FRMD5: variants seen among roughly 807,000 people sequenced by gnomAD.
FRMD5 encodes FERM domain-containing protein 5.
In FRMD5, 20 loss-of-function variants were observed where a neutral mutation model predicts 69.0. The ratio of observed to expected loss-of-function variants is 0.29; its 90% CI spans 0.20 to 0.42. The LOEUF (loss-of-function observed/expected upper bound fraction) is 0.42. FRMD5 is among the 10% of genes least tolerant of loss of function. The pLI, the probability that FRMD5 is intolerant of heterozygous loss-of-function variation, is 1.00. For missense variants in FRMD5, 595 were observed against 708.6 expected, an observed-to-expected ratio of 0.84 and a Z score of 1.82; for synonymous variants, 271 against 260.1, an observed-to-expected ratio of 1.04 and a Z score of -0.40.
At chr15:44,016,934 C>A (rs1193235836) in intron 1 of FRMD5, among the ~76,000 whole-genome samples, 1 of 151,910 alleles carries the variant, frequency 6.6e-6, no homozygotes, top group Non-Finnish European at 1.5e-5. Context: ...TGCTTGCCAC[C>A]ACACTGGGCT....
chr15:44,125,429 T>C (rs2140405941), intron 1 of FRMD5, among the ~76,000 whole-genome samples: 1 of 152,350 alleles, frequency 6.6e-6, no homozygotes, highest in East Asian at 1.9e-4. Context: ...ATTACCATAG[T>C]ACCTTGTGCT....
chr15:44,020,684 T>C (rs1289181063), intron 1 of FRMD5, among the ~76,000 whole-genome samples: 1 of 152,246 alleles, frequency 6.6e-6, no homozygotes, highest in African/African-American at 2.4e-5. Flanking sequence ...CTCAATCTTT[T>C]GTGCTATTCA....
intron 1 of FRMD5, among the ~76,000 whole-genome samples, chr15:44,186,351 T>G (rs2078101339): frequency 6.6e-6 from 1 of 152,194 alleles, no homozygotes; most frequent in Non-Finnish European, 1.5e-5. Flanking sequence ...ACTTTTCCAC[T>G]CAGTATCCTC....
chr15:44,041,084 G>C (rs1378320811), intron 1 of FRMD5, among the ~76,000 whole-genome samples: 1 of 118,180 alleles, frequency 8.5e-6, no homozygotes, highest in Admixed American at 9.4e-5. Flanking sequence ...AATCAACAAA[G>C]ACCAAAAGTG....
chr15:43,999,466 C>T (rs1447219906), intron 1 of FRMD5, among the ~76,000 whole-genome samples: 2 of 152,068 alleles, frequency 1.3e-5, no homozygotes, highest in Non-Finnish European at 1.5e-5. Flanking sequence ...AAACTCTACA[C>T]CCATTTAAAA....
intron 1 of FRMD5, among the ~76,000 whole-genome samples, chr15:43,985,514 T>C (rs1411524933): frequency 6.6e-6 from 1 of 152,108 alleles, no homozygotes; most frequent in Non-Finnish European, 1.5e-5. Flanking sequence ...GTTTATATTA[T>C]AAATCAAACT....
intron 1 of FRMD5, among the ~76,000 whole-genome samples, chr15:44,023,099 G>A (rs1481197122): frequency 6.6e-6 from 1 of 152,098 alleles, no homozygotes; most frequent in Non-Finnish European, 1.5e-5. Context: ...ATAGGGGCAA[G>A]GGGACACAAA....
At chr15:44,150,947 C>A (rs1257312534) in intron 1 of FRMD5, among the ~76,000 whole-genome samples, 1 of 152,010 alleles carries the variant, frequency 6.6e-6, no homozygotes, top group Non-Finnish European at 1.5e-5. Flanking sequence ...CAAAAATTAG[C>A]CAAGCGTGGT....
At chr15:43,913,237 C>T (rs1303688165) in intron 4 of FRMD5, among the ~76,000 whole-genome samples, 2 of 152,144 alleles carry the variant, frequency 1.3e-5, no homozygotes, top group Admixed American at 6.5e-5. Flanking sequence ...CTTTTGATTT[C>T]TGGTGATAAA....
At chr15:44,044,009 T>C (rs1258102209) in intron 1 of FRMD5, among the ~76,000 whole-genome samples, 2 of 152,110 alleles carry the variant, frequency 1.3e-5, no homozygotes, top group Non-Finnish European at 2.9e-5. Flanking sequence ...TGGGAGAATA[T>C]TTTTGCAATC....
At chr15:43,919,089 C>T in intron 4 of FRMD5, 4 of 354,246 alleles carry the variant, frequency 1.1e-5, no homozygotes, top group Admixed American at 3.9e-5. Flanking sequence ...TCCATTAGAC[C>T]ACTTGAATCT....
At chr15:44,067,928 A>G (rs951302754) in intron 1 of FRMD5, among the ~76,000 whole-genome samples, 1 of 152,246 alleles carries the variant, frequency 6.6e-6, no homozygotes, top group African/African-American at 2.4e-5. Context: ...GCAAAGATTG[A>G]AACAGATATT....
intron 1 of FRMD5, among the ~76,000 whole-genome samples, chr15:44,091,068 T>G (rs906112944): frequency 6.6e-6 from 1 of 152,194 alleles, no homozygotes; most frequent in Admixed American, 6.6e-5. Context: ...TACCAAGCAT[T>G]TGAGATCAAT....
intron 7 of FRMD5, among the ~76,000 whole-genome samples, chr15:43,896,656 T>C (rs533143): frequency 0.4 from 60,293 of 152,064 alleles, 14,517 homozygotes; most frequent in African/African-American, 0.67. Context: ...ACCAGTTCCA[T>C]TTCCAGATTC....
chr15:43,955,906 C>G (rs1245696416), intron 1 of FRMD5, among the ~76,000 whole-genome samples: 1 of 151,794 alleles, frequency 6.6e-6, no homozygotes, highest in Non-Finnish European at 1.5e-5. Context: ...ATTTGGGGTT[C>G]TGGTTTTTTG....
In FRMD5 at chr15:44,173,890, C is replaced by T. The variant is rs543616010; in HGVS notation, c.102+21063G>A. 2.5e-3 allele frequency among the ~76,000 whole-genome samples: 378 copies of T among 152,194 alleles called. 2 individuals carry two copies. Among genetic ancestry groups the T allele is most frequent in the Non-Finnish European group, 4.5e-3 (307 of 68,010 alleles). On this transcript the variant is annotated intron_variant, in intron 1 of 13. Coordinates refer to ENST00000417257, the MANE Select transcript of FRMD5 (RefSeq NM_032892.5). The stretch of plus-strand genomic sequence containing the variant: ...TAGTAATAAAACTATAGCTAAATAG[C>T]ACTAAAATGTATAAAGTACTTTCAG...
At chr15:44,060,211 GC>G (rs1423822517) in intron 1 of FRMD5, among the ~76,000 whole-genome samples, 1 of 152,208 alleles carries the variant, frequency 6.6e-6, no homozygotes, top group African/African-American at 2.4e-5. Flanking sequence ...TCATTCTACA[GC>G]CTAATCCAAC....
intron 1 of FRMD5, among the ~76,000 whole-genome samples, chr15:44,025,394 CA>C (rs1239472192): frequency 6.6e-6 from 1 of 151,872 alleles, no homozygotes; most frequent in African/African-American, 2.4e-5. Context: ...GATATTCTAG[CA>C]AACAAAAGAG....
intron 1 of FRMD5, chr15:44,063,869 T>C: frequency 3.6e-6 from 1 of 281,128 alleles, no homozygotes; most frequent in Non-Finnish European, 6.9e-6. Flanking sequence ...AAAAAGGTCA[T>C]CATCTCTGCC....
Sources: gnomAD v4.1 joint callset for allele counts (sites outside exome capture counted in the v4.1 genomes callset) on GRCh38, gnomAD v4.1.1 for gene constraint, MANE v1.5 for transcripts, NCBI Gene and HGNC (gene_info 2026-07-23, HGNC 2026-07-21) for gene names.